The following FBP2 variants were observed in gnomAD, a reference collection of about 807,000 sequenced individuals.
FBP2 encodes fructose-1,6-bisphosphatase isozyme 2.
A neutral mutation model predicts 31.6 loss-of-function variants in FBP2; 27 were observed. The observed-to-expected ratio is 0.85, with a 90% CI of 0.63 to 1.18. The LOEUF is 1.18. FBP2 is among the 50% of genes most tolerant of loss of function. The probability of loss-of-function intolerance (pLI) is 0.00; values close to 1 mark genes in which losing one functional copy is unlikely to be tolerated. For synonymous variants in FBP2, 168 were observed against 179.8 expected (o/e 0.93, Z 0.53); for missense variants, 421 against 436.1 (o/e 0.97, Z 0.31).
chr9:94,587,323 G>A lies in FBP2; in HGVS notation c.317C>T (p.Thr106Ile). The A allele has an allele frequency of 6.2e-7, 1 of 1,611,848 alleles. No homozygotes were observed. The highest frequency in any genetic ancestry group is 1.7e-4 in the Middle Eastern group (1 of 5,724). The part of the protein sequence containing the change: ...VSEENKDAII[T>I]AKEKRGKYVV... ...ATGACGCACCCGCTTCTCCTTGGCG[G>A]TGATGATGGCGTCCTTATTCTCTTC... The change falls in exon 2 of 7, where the codon ACC (threonine) becomes ATC (isoleucine). Residue 106 changes from threonine to isoleucine, a missense_variant. Coordinates refer to ENST00000375337, the MANE Select transcript of FBP2 (RefSeq NM_003837.4).
At chr9:94,579,260 T>C (rs1827350967) in intron 3 of FBP2, among the ~76,000 whole-genome samples, 1 of 149,522 alleles carries the variant, frequency 6.7e-6, no homozygotes, top group African/African-American at 2.5e-5. Context: ...TAGCCGGGCG[T>C]GGTGCCGGGC....
intron 6 of FBP2, among the ~76,000 whole-genome samples, chr9:94,561,046 A>G (rs1407475172): frequency 6.6e-6 from 1 of 152,124 alleles, no homozygotes; most frequent in Non-Finnish European, 1.5e-5. Context: ...ACTGGAGGCC[A>G]TGCTGTCCAG....
intron 6 of FBP2, 23 bp from the exon 7 acceptor site, chr9:94,559,155 G>A: frequency 1.3e-6 from 2 of 1,599,292 alleles, no homozygotes; most frequent in Non-Finnish European, 1.7e-6. Context: ...AGAGGCAGGT[G>A]AGTAAACTCT....
chr9:94,591,034 A>G (rs796601406), intron 1 of FBP2, among the ~76,000 whole-genome samples: 4 of 130,306 alleles, frequency 3.1e-5, no homozygotes, highest in Non-Finnish European at 5.1e-5. Context: ...AGCTAGATAT[A>G]AAGACTCTCC....
intron 3 of FBP2, 114 bp from the exon 4 acceptor site, chr9:94,571,716 A>G: frequency 1.1e-6 from 1 of 945,174 alleles, no homozygotes; most frequent in Non-Finnish European, 1.5e-6. Flanking sequence ...CGGTTCTTTG[A>G]ATTTTAAGCT....
intron 1 of FBP2, among the ~76,000 whole-genome samples, chr9:94,592,982 C>T (rs1449013699): frequency 6.6e-6 from 1 of 152,162 alleles, no homozygotes; most frequent in African/African-American, 2.4e-5. Flanking sequence ...GGACTAGCAC[C>T]TCCCGGCTTC....
intron 6 of FBP2, among the ~76,000 whole-genome samples, chr9:94,560,519 G>A (rs140588599): frequency 6.6e-6 from 1 of 152,042 alleles, no homozygotes. Flanking sequence ...CTCCCCATCA[G>A]TGCAACCTGT....
intron 4 of FBP2, 130 bp from the exon 5 acceptor site, chr9:94,567,537 T>A: frequency 9.3e-7 from 1 of 1,070,980 alleles, no homozygotes; most frequent in Non-Finnish European, 1.4e-6. Flanking sequence ...GTGGTCACTC[T>A]GAACCTGCTC....
intron 3 of FBP2, among the ~76,000 whole-genome samples, chr9:94,581,565 C>T (rs951993652): frequency 3.3e-5 from 5 of 152,154 alleles, no homozygotes; most frequent in African/African-American, 9.7e-5. Context: ...ATAGGGGTCC[C>T]ATCGAGGAAC....
chr9:94,584,535 C>G, intron 3 of FBP2, 42 bp downstream of exon 3: 1 of 1,251,828 alleles, frequency 8.0e-7, no homozygotes, highest in Non-Finnish European at 1.2e-6. Context: ...TTCCAGAGAC[C>G]ACCACAGGAA....
chr9:94,567,443 G>A, intron 4 of FBP2, 36 bp from the exon 5 acceptor site: 2 of 1,573,396 alleles, frequency 1.3e-6, no homozygotes, highest in South Asian at 1.1e-5. Flanking sequence ...GAAGAAGAGA[G>A]AAGCCAGGAA....
intron 6 of FBP2, 98 bp downstream of exon 6, chr9:94,563,244 G>C (rs1481208735): frequency 7.4e-7 from 1 of 1,347,578 alleles, no homozygotes; most frequent in Non-Finnish European, 1.0e-6. Flanking sequence ...ACACAGACAT[G>C]CCATGAAGCA....
At position 94,567,388 on chromosome 9, in the gene FBP2, A is replaced by G; in HGVS notation, c.587T>C (p.Leu196Pro). The change falls in exon 5 of 7, where the codon CTG becomes CCG. Residue 196 changes from leucine (L) to proline (P), a missense_variant. Transcript: ENST00000375337. Reference sequence around the variant, plus strand: ...CTTAATCTTGACATCTTTTTCCACCAGGACAAATTCACCAAGAGCCTAGCA... The same window carrying G: ...CTTAATCTTGACATCTTTTTCCACCGGGACAAATTCACCAAGAGCCTAGCA... ...MLDPALGEFV[L>P]VEKDVKIKKK... 1 of 1,614,158 alleles carries G rather than the reference A, an allele frequency of 6.2e-7. No homozygotes were observed. Among genetic ancestry groups the G allele is most frequent in the Non-Finnish European group, 8.5e-7 (1 of 1,180,026 alleles).
chr9:94,591,683 C>T (rs898117566), intron 1 of FBP2, among the ~76,000 whole-genome samples: 5 of 152,158 alleles, frequency 3.3e-5, no homozygotes, highest in African/African-American at 4.8e-5. Context: ...CTTGGAACCG[C>T]GGTAGTGACA....
chr9:94,590,678 G>C (rs1183772838), intron 1 of FBP2, among the ~76,000 whole-genome samples: 1 of 152,198 alleles, frequency 6.6e-6, no homozygotes, highest in South Asian at 2.1e-4. Context: ...AGAGTGAGCA[G>C]CAGCAAGAGC....
intron 2 of FBP2, 46 bp downstream of exon 2, chr9:94,587,261 G>C (rs759038311): frequency 6.5e-7 from 1 of 1,541,310 alleles, no homozygotes; most frequent in African/African-American, 1.4e-5. Flanking sequence ...TTCCGGCTCA[G>C]TATCATCATC....
intron 6 of FBP2, among the ~76,000 whole-genome samples, chr9:94,561,871 T>C (rs144009808): frequency 3.9e-5 from 6 of 152,182 alleles, no homozygotes; most frequent in African/African-American, 1.4e-4. Flanking sequence ...GATCTATCTA[T>C]GGAGTGACAT....
In FBP2 at chr9:94,571,465, G is replaced by A; in HGVS notation, c.564C>T (p.Asp188=). 6.2e-7 allele frequency: 1 copy of A among 1,610,592 alleles called. No individual in the cohort carries two copies. The highest frequency in any genetic ancestry group is 1.7e-5 in the Admixed American group (1 of 59,710). Residue 188 remains aspartate, a synonymous_variant, in exon 4 of 7, where the codon GAC becomes GAT. Coordinates refer to ENST00000375337, the MANE Select transcript of FBP2 (RefSeq NM_003837.4). ...TGQGVDLFML[D]PALGEFVLVE... ...TGATGCCATATTCTGTACCTACCGG[G>A]TCAAGCATGAAGAGGTCCACGCCTT...
chr9:94,566,895 A>G (rs2131445967), intron 5 of FBP2, among the ~76,000 whole-genome samples: 1 of 152,274 alleles, frequency 6.6e-6, no homozygotes, highest in South Asian at 2.1e-4. Flanking sequence ...AACTTTTTGA[A>G]GGCCTCTCAT....
Sources: gnomAD v4.1 joint callset for allele counts (sites outside exome capture counted in the v4.1 genomes callset) on GRCh38, gnomAD v4.1.1 for gene constraint, MANE v1.5 for transcripts, NCBI Gene and HGNC (gene_info 2026-07-23, HGNC 2026-07-21) for gene names.